The following DHRSX variants were observed in gnomAD, a reference collection of about 807,000 sequenced individuals.
DHRSX encodes the protein dehydrogenase/reductase X-linked, also known as polyprenol dehydrogenase.
A neutral mutation model predicts 34.0 loss-of-function variants in DHRSX; 31 were observed. The observed-to-expected ratio is 0.91, with a 90% confidence interval of 0.69 to 1.23. The LOEUF (loss-of-function observed/expected upper bound fraction) is 1.23, where lower values mean the gene tolerates loss of function less well. DHRSX is among the 50% of genes most tolerant of loss of function. The probability of loss-of-function intolerance (pLI) is 0.00; values close to 1 mark genes in which losing one functional copy is unlikely to be tolerated. For missense variants in DHRSX, 414 were observed against 428.1 expected, an observed-to-expected ratio of 0.97 and a Z score of 0.29; for synonymous variants, 201 against 183.8, an observed-to-expected ratio of 1.09 and a Z score of -0.76.
intron 1 of DHRSX, among the ~76,000 whole-genome samples, chrX:2,496,652 TAA>T (rs1230568734): frequency 6.6e-6 from 1 of 152,012 alleles, no homozygotes; most frequent in Non-Finnish European, 1.5e-5. Context: ...CAAAAATAGC[TAA>T]AAGAGATTTT....
intron 3 of DHRSX, among the ~76,000 whole-genome samples, chrX:2,304,334 T>TGAACTGATGGATGGATGGATGGAG (rs2042074341): frequency 6.7e-6 from 1 of 148,364 alleles, no homozygotes; most frequent in African/African-American, 2.5e-5. Flanking sequence ...GATGGATGGA[T>TGAACTGATGGATGGATGGATGGAG]GAACTGATGG....
In DHRSX at chrX:2,495,819, C is replaced by G. The variant is rs187437004; in HGVS notation, c.109+4998G>C. 7.3e-3 allele frequency among the ~76,000 whole-genome samples: 1,117 copies of G among 152,164 alleles called. 12 individuals carry two copies. The highest frequency in any genetic ancestry group is 0.013 in the Non-Finnish European group (857 of 67,992). On this transcript the variant is annotated intron_variant, in intron 1 of 6. Coordinates refer to ENST00000334651, the MANE Select transcript of DHRSX (RefSeq NM_145177.3). ...CACTCCCCAAAACGCTCTCAGGGGG[C>G]CGGCGATTTCACGTTTCCAATTGCA...
intron 3 of DHRSX, among the ~76,000 whole-genome samples, chrX:2,342,253 T>C (rs62583721): frequency 0.81 from 123,542 of 152,026 alleles, 51,839 homozygotes; most frequent in African/African-American, 0.97. Context: ...AGAATTCTGG[T>C]TTCTGAATAG....
intron 3 of DHRSX, among the ~76,000 whole-genome samples, chrX:2,354,165 C>A (rs185207045): frequency 6.6e-6 from 1 of 152,114 alleles, no homozygotes; most frequent in African/African-American, 2.4e-5. Context: ...CCCAATGGAG[C>A]GGAGCTCTAG....
At chrX:2,405,759 T>C (rs1317903159) in intron 3 of DHRSX, among the ~76,000 whole-genome samples, 1 of 151,762 alleles carries the variant, frequency 6.6e-6, no homozygotes, top group Non-Finnish European at 1.5e-5. Flanking sequence ...ATAACACCAC[T>C]GTACTCCAGC....
intron 3 of DHRSX, among the ~76,000 whole-genome samples, chrX:2,304,666 C>T (rs763023036): frequency 6.6e-6 from 1 of 152,264 alleles, no homozygotes; most frequent in East Asian, 1.9e-4. Context: ...TGCTTTCCTT[C>T]ACTTTCCACT....
At chrX:2,299,943 A>T (rs2041992104) in intron 3 of DHRSX, among the ~76,000 whole-genome samples, 1 of 152,202 alleles carries the variant, frequency 6.6e-6, no homozygotes. Flanking sequence ...CAGATTTCTG[A>T]AATTAATGCT....
At chrX:2,415,535 T>C (rs1011430105) in intron 2 of DHRSX, among the ~76,000 whole-genome samples, 1 of 151,646 alleles carries the variant, frequency 6.6e-6, no homozygotes, top group Non-Finnish European at 1.5e-5. Context: ...CAATTAGATC[T>C]CATCATGACC....
chrX:2,384,430 C>A (rs1157119242), intron 3 of DHRSX, among the ~76,000 whole-genome samples: 2 of 152,008 alleles, frequency 1.3e-5, no homozygotes, highest in Non-Finnish European at 2.9e-5. Flanking sequence ...GTGTGAGATG[C>A]TACGAGGAAA....
At chrX:2,470,334 G>T in intron 1 of DHRSX, among the ~76,000 whole-genome samples, 1 of 151,320 alleles carries the variant, frequency 6.6e-6, no homozygotes, top group African/African-American at 2.4e-5. Context: ...GGCTGAGGAA[G>T]GAGGATCACT....
At chrX:2,483,927 C>A (rs1313999503) in intron 1 of DHRSX, among the ~76,000 whole-genome samples, 1 of 151,834 alleles carries the variant, frequency 6.6e-6, no homozygotes, top group Non-Finnish European at 1.5e-5. Context: ...AAGAAGTCAA[C>A]AGAGCAATAA....
At chrX:2,381,233 G>A (rs1048294477) in intron 3 of DHRSX, among the ~76,000 whole-genome samples, 2 of 152,142 alleles carry the variant, frequency 1.3e-5, no homozygotes, top group African/African-American at 4.8e-5. Flanking sequence ...TTTAAGACGT[G>A]ATGAGGTCAT....
intron 6 of DHRSX, among the ~76,000 whole-genome samples, chrX:2,224,066 T>A (rs752826072): frequency 1.3e-5 from 2 of 152,248 alleles, no homozygotes; most frequent in Non-Finnish European, 2.9e-5. Flanking sequence ...CACTGTGTTA[T>A]ATTTAGTGCT....
At chrX:2,237,694 T>C (rs2016048101) in intron 6 of DHRSX, among the ~76,000 whole-genome samples, 2 of 152,030 alleles carry the variant, frequency 1.3e-5, no homozygotes, top group South Asian at 4.2e-4. Flanking sequence ...TAGTAGAGAC[T>C]GGGTTTCTCC....
rs6641572 is a variant in DHRSX at position 2,467,442 on chromosome X, T to G, written c.109+33375A>C. Among the ~76,000 whole-genome samples, 6 of 151,932 alleles carry G rather than the reference T, an allele frequency of 3.9e-5. No individual in the cohort carries two copies. In the East Asian group the frequency reaches 7.7e-4, roughly 20 times the overall value. On this transcript the variant is annotated intron_variant, in intron 1 of 6. Coordinates refer to ENST00000334651, the MANE Select transcript of DHRSX (RefSeq NM_145177.3). ...CTCAGGAACGCGGCACAGTCAGCTC[T>G]CCACACGGGTGACCCCAGAAACAAG...
intron 3 of DHRSX, among the ~76,000 whole-genome samples, chrX:2,323,118 C>T (rs2042333466): frequency 6.6e-6 from 1 of 152,078 alleles, no homozygotes; most frequent in African/African-American, 2.4e-5. Flanking sequence ...TTTCTTGCAA[C>T]AGCCAGAGCT....
At chrX:2,229,619 TGTG>T (rs1028265659) in intron 6 of DHRSX, among the ~76,000 whole-genome samples, 2 of 152,012 alleles carry the variant, frequency 1.3e-5, no homozygotes, top group African/African-American at 2.4e-5. Flanking sequence ...TGTGTGTACT[TGTG>T]GGTAGATGTG....
At chrX:2,272,038 G>A (rs760204230) in intron 4 of DHRSX, among the ~76,000 whole-genome samples, 64 of 151,466 alleles carry the variant, frequency 4.2e-4, no homozygotes, top group Admixed American at 6.6e-4. Flanking sequence ...GAGACAAAAC[G>A]AAACAAAAAA....
intron 1 of DHRSX, among the ~76,000 whole-genome samples, chrX:2,452,568 A>G (rs1408959374): frequency 3.3e-5 from 5 of 151,170 alleles, no homozygotes. Flanking sequence ...CACCATGTAC[A>G]CACTGAAGAT....
Sources: gnomAD v4.1 joint callset for allele counts (sites outside exome capture counted in the v4.1 genomes callset) on GRCh38, gnomAD v4.1.1 for gene constraint, MANE v1.5 for transcripts, NCBI Gene and HGNC (gene_info 2026-07-23, HGNC 2026-07-21) for gene names.